The following CTNNA3 variants were observed in gnomAD, a reference collection of about 807,000 sequenced individuals.
The protein encoded by CTNNA3 is catenin alpha-3.
Under a neutral mutation model 95.7 loss-of-function variants are expected in CTNNA3, and 76 were observed. That is an observed-to-expected ratio of 0.79 (90% CI 0.66 to 0.96). The LOEUF (loss-of-function observed/expected upper bound fraction) is 0.96, where lower values mean the gene tolerates loss of function less well. Among genes scored for constraint, CTNNA3 ranks in the 40% least tolerant of loss-of-function variants. The pLI, the probability that CTNNA3 is intolerant of heterozygous loss-of-function variation, is 0.00. For synonymous variants in CTNNA3, 431 were observed against 374.4 expected, an observed-to-expected ratio of 1.15 and a Z score of -1.74; for missense variants, 1,191 against 1,089.8, an observed-to-expected ratio of 1.09 and a Z score of -1.31.
In CTNNA3 at chr10:67,716,501, G is replaced by A. The variant is rs985398958; in HGVS notation, c.-2+46933C>T. Among the ~76,000 whole-genome samples, 5 of 152,112 alleles carry A rather than the reference G, an allele frequency of 3.3e-5. No homozygotes were observed. The East Asian group carries it at 7.7e-4, about 23-fold the overall frequency. ...TCCACCCCTCAACAGGCCCCAGTGT[G>A]TGATGTTCCCCTCCCTGTGTCCATG... On this transcript the variant is annotated intron_variant, in intron 1 of 17. Coordinates refer to the CTNNA3 transcript ENST00000684154.
At chr10:67,021,669 C>A (rs775041349) in intron 7 of CTNNA3, among the ~76,000 whole-genome samples, 1 of 151,432 alleles carries the variant, frequency 6.6e-6, no homozygotes, top group South Asian at 2.1e-4. Context: ...ATATATATTC[C>A]GAAAAAAATG....
At chr10:66,063,010 A>C (rs1340050007) in intron 15 of CTNNA3, among the ~76,000 whole-genome samples, 1 of 152,044 alleles carries the variant, frequency 6.6e-6, no homozygotes, top group Non-Finnish European at 1.5e-5. Flanking sequence ...TGTACAGAGC[A>C]GGAAAAAATA....
At chr10:66,817,833 C>CTAAAA (rs1842148466) in intron 7 of CTNNA3, among the ~76,000 whole-genome samples, 1 of 151,730 alleles carries the variant, frequency 6.6e-6, no homozygotes, top group Non-Finnish European at 1.5e-5. Flanking sequence ...ACTAAAGACA[C>CTAAAA]CATGAAAAAA....
chr10:66,060,261 A>C (rs2080168190), intron 15 of CTNNA3, among the ~76,000 whole-genome samples: 1 of 152,044 alleles, frequency 6.6e-6, no homozygotes, highest in Non-Finnish European at 1.5e-5. Context: ...GGGAGAGCAA[A>C]AAACGGGGCC....
chr10:67,537,051 C>T (rs539213137), intron 4 of CTNNA3, among the ~76,000 whole-genome samples: 1 of 152,200 alleles, frequency 6.6e-6, no homozygotes, highest in East Asian at 1.9e-4. Flanking sequence ...ATGCCACTTC[C>T]TTTTTCATAA....
intron 10 of CTNNA3, among the ~76,000 whole-genome samples, chr10:66,527,417 A>C (rs574768095): frequency 6.6e-6 from 1 of 152,226 alleles, no homozygotes; most frequent in South Asian, 2.1e-4. Context: ...TATGAAATTG[A>C]GGATGTGTTT....
At position 65,988,735 on chromosome 10, in the gene CTNNA3, G is replaced by C; in HGVS notation, c.2222C>G (p.Ser741Ter). 6.2e-7 allele frequency: 1 copy of C among 1,613,894 alleles called. No individual in the cohort carries two copies. Among genetic ancestry groups the C allele is most frequent in the Non-Finnish European group, 8.5e-7 (1 of 1,179,942 alleles). ...AGCAAGGACATCCATCCTTGATCCT[G>C]ATTCTGATATCATTTTCGCTGCATA... ...VIYAAKMISESGSRMDVLARQ... is the reference protein window; with the variant it reads ...VIYAAKMISE Residue 741 changes from serine to a stop codon, truncating the protein, a stop_gained, in exon 16 of 18, where the codon TCA becomes TGA. Transcript: ENST00000433211. LOFTEE classifies it high-confidence loss of function.
Position 66,866,822 on chromosome 10 carries a change from T to A in CTNNA3, c.1048-91298A>T, listed in dbSNP as rs191455665. Among the ~76,000 whole-genome samples the A allele has an allele frequency of 2.6e-5, 4 of 152,282 alleles. No individual in the cohort carries two copies. The East Asian group carries it at 7.7e-4, about 29-fold the overall frequency. On this transcript the variant is annotated intron_variant, in intron 7 of 17. Coordinates refer to ENST00000433211, the MANE Select transcript of CTNNA3 (RefSeq NM_013266.4). ...ATAGCTGATAGACAGAAAACTAACA[T>A]GACTGATATGGTTTGGCTGTGTCCT...
At chr10:67,269,186 C>A (rs1838844220) in intron 5 of CTNNA3, among the ~76,000 whole-genome samples, 1 of 152,012 alleles carries the variant, frequency 6.6e-6, no homozygotes, top group Admixed American at 6.6e-5. Flanking sequence ...TCAAGTTAAC[C>A]TTTTTATAAT....
At chr10:67,027,133 TAG>T (rs1564840576) in intron 7 of CTNNA3, among the ~76,000 whole-genome samples, 1 of 152,068 alleles carries the variant, frequency 6.6e-6, no homozygotes. Context: ...ATTCTGCTGA[TAG>T]AGTGAGTGCC....
intron 1 of CTNNA3, among the ~76,000 whole-genome samples, chr10:67,716,097 T>C (rs987910670): frequency 6.6e-6 from 1 of 152,078 alleles, no homozygotes; most frequent in African/African-American, 2.4e-5. Flanking sequence ...AAAATAAGAG[T>C]TTAAGGTTTC....
At chr10:66,321,218 T>C (rs1410521821) in intron 12 of CTNNA3, among the ~76,000 whole-genome samples, 2 of 151,772 alleles carry the variant, frequency 1.3e-5, no homozygotes, top group Non-Finnish European at 2.9e-5. Context: ...AAATATAGAT[T>C]TGAAAAAAAA....
At chr10:67,239,415 A>G (rs964966209) in intron 5 of CTNNA3, among the ~76,000 whole-genome samples, 2 of 151,884 alleles carry the variant, frequency 1.3e-5, no homozygotes, top group African/African-American at 4.8e-5. Flanking sequence ...GTTTAATTCC[A>G]TCTATGTGAA....
intron 1 of CTNNA3, among the ~76,000 whole-genome samples, chr10:67,734,615 A>C (rs1432543465): frequency 1.3e-5 from 2 of 152,194 alleles, no homozygotes; most frequent in African/African-American, 4.8e-5. Context: ...TGTAGACATA[A>C]GGAAGTCAAA....
At chr10:66,730,796 TA>T (rs1848935836) in intron 9 of CTNNA3, among the ~76,000 whole-genome samples, 1 of 152,086 alleles carries the variant, frequency 6.6e-6, no homozygotes, top group African/African-American at 2.4e-5. Flanking sequence ...TTGCAATTGT[TA>T]TGTGAGAAAA....
chr10:66,242,059 G>T (rs2090134786), intron 13 of CTNNA3, among the ~76,000 whole-genome samples: 1 of 152,048 alleles, frequency 6.6e-6, no homozygotes, highest in Admixed American at 6.6e-5. Context: ...GCAGTAAGAG[G>T]TGGGGCCTTA....
chr10:67,011,338 C>CAA (rs764795305), intron 7 of CTNNA3, among the ~76,000 whole-genome samples: 175 of 62,280 alleles, frequency 2.8e-3, no homozygotes, highest in East Asian at 0.014. Context: ...AAGTCTGTCT[C>CAA]AAAAAAAAAA....
chr10:66,062,396 T>C (rs964240176), intron 15 of CTNNA3, among the ~76,000 whole-genome samples: 8 of 152,060 alleles, frequency 5.3e-5, no homozygotes, highest in Non-Finnish European at 1.2e-4. Flanking sequence ...AGCTGATAAA[T>C]ACTGCACTGC....
At chr10:66,843,030 A>G (rs1318038684) in intron 7 of CTNNA3, among the ~76,000 whole-genome samples, 1 of 152,176 alleles carries the variant, frequency 6.6e-6, no homozygotes, top group African/African-American at 2.4e-5. Flanking sequence ...TAAACAGACC[A>G]AAAGGATTTT....
Sources: gnomAD v4.1 joint callset for allele counts (sites outside exome capture counted in the v4.1 genomes callset) on GRCh38, gnomAD v4.1.1 for gene constraint, MANE v1.5 for transcripts, NCBI Gene and HGNC (gene_info 2026-07-23, HGNC 2026-07-21) for gene names.